PRKN: variants seen among roughly 807,000 people sequenced by gnomAD.
PRKN encodes the protein E3 ubiquitin-protein ligase parkin.
A neutral mutation model predicts 59.5 loss-of-function variants in PRKN; 56 were observed. That is an observed-to-expected ratio of 0.94 (90% CI 0.76 to 1.18). PRKN has a LOEUF of 1.18. Among genes scored for constraint, PRKN ranks in the 50% most tolerant of loss-of-function variants. PRKN has a pLI of 0.00. For missense variants in PRKN, 657 were observed against 596.4 expected, an observed-to-expected ratio of 1.10 and a Z score of -1.06; for synonymous variants, 250 against 222.1, an observed-to-expected ratio of 1.13 and a Z score of -1.12.
intron 1 of PRKN, among the ~76,000 whole-genome samples, chr6:162,713,646 C>T (rs1778622697): frequency 1.3e-5 from 2 of 152,002 alleles, no homozygotes; most frequent in African/African-American, 4.8e-5. Flanking sequence ...TCAAAATTCA[C>T]CTTCAGAAAT....
At chr6:162,337,751 T>C (rs568381732) in intron 2 of PRKN, among the ~76,000 whole-genome samples, 19 of 152,112 alleles carry the variant, frequency 1.2e-4, no homozygotes, top group Admixed American at 3.3e-4. Context: ...CAGTCATTTA[T>C]GAAAGAGACA....
chr6:162,504,805 T>C (rs1312070059), intron 1 of PRKN, among the ~76,000 whole-genome samples: 3 of 152,004 alleles, frequency 2.0e-5, no homozygotes, highest in African/African-American at 7.3e-5. Flanking sequence ...AAAAGATTAG[T>C]ATCCAAAATG....
chr6:162,134,560 A>AGG (rs1490108967), intron 4 of PRKN, among the ~76,000 whole-genome samples: 1 of 152,172 alleles, frequency 6.6e-6, no homozygotes, highest in Non-Finnish European at 1.5e-5. Context: ...GAATTTATTT[A>AGG]ACTAGAATGT....
intron 1 of PRKN, among the ~76,000 whole-genome samples, chr6:162,453,379 C>G (rs1790717247): frequency 6.6e-6 from 1 of 152,068 alleles, no homozygotes; most frequent in African/African-American, 2.4e-5. Flanking sequence ...ATTAATTCTT[C>G]CACTTTTAAA....
At chr6:162,341,003 T>G (rs1481241786) in intron 2 of PRKN, among the ~76,000 whole-genome samples, 1 of 152,016 alleles carries the variant, frequency 6.6e-6, no homozygotes, top group Non-Finnish European at 1.5e-5. Flanking sequence ...GGGAGAAAAT[T>G]TTTGCAATCT....
chr6:161,423,171 C>T lies in PRKN; in HGVS notation c.1084-36294G>A, dbSNP rs935855897. 6.6e-6 allele frequency among the ~76,000 whole-genome samples: 1 copy of T among 152,114 alleles called. No individual in the cohort carries two copies. The highest frequency in any genetic ancestry group is 1.5e-5 in the Non-Finnish European group (1 of 68,032). ...AGATATCAGCATCTTTAATGTATGC[C>T]AGCCTTGCATGGGTTTGGTTGGGAC... On this transcript the variant is annotated intron_variant, in intron 9 of 11. Transcript: ENST00000366898. The surrounding 1 kb of genome is among the most constrained non-coding windows in gnomAD (Gnocchi z 5.9).
chr6:162,709,517 C>T (rs968077556), intron 1 of PRKN, among the ~76,000 whole-genome samples: 6 of 152,116 alleles, frequency 3.9e-5, no homozygotes, highest in Non-Finnish European at 8.8e-5. Flanking sequence ...ACTCAGAGTT[C>T]CTTAGTTGCA....
At chr6:161,740,236 C>T (rs1296924201) in intron 7 of PRKN, among the ~76,000 whole-genome samples, 2 of 152,196 alleles carry the variant, frequency 1.3e-5, no homozygotes, top group Non-Finnish European at 2.9e-5. Context: ...CACCTGGATG[C>T]CCATGATTAA....
intron 1 of PRKN, among the ~76,000 whole-genome samples, chr6:162,501,471 C>T (rs62428849): frequency 1.2e-3 from 181 of 151,510 alleles, no homozygotes; most frequent in Non-Finnish European, 2.3e-3. Flanking sequence ...CCTCAGCCTC[C>T]CGAATATCTG....
chr6:162,651,688 A>C (rs1195763327), intron 1 of PRKN, among the ~76,000 whole-genome samples: 1 of 152,214 alleles, frequency 6.6e-6, no homozygotes. Context: ...GGAAGAAGGA[A>C]AAAAGCAGGC....
chr6:162,378,387 T>C (rs1018068775), intron 2 of PRKN, among the ~76,000 whole-genome samples: 9 of 152,240 alleles, frequency 5.9e-5, no homozygotes, highest in Non-Finnish European at 1.2e-4. Context: ...GGATTCCACT[T>C]AGCAGCGGCT....
intron 7 of PRKN, among the ~76,000 whole-genome samples, chr6:161,709,871 G>A (rs537718516): frequency 2.0e-4 from 30 of 152,068 alleles, no homozygotes; most frequent in Admixed American, 3.9e-4. Context: ...TACCTTAAAT[G>A]TCTTTGGAAT....
intron 4 of PRKN, among the ~76,000 whole-genome samples, chr6:162,165,185 GA>G (rs1473286365): frequency 6.7e-6 from 1 of 148,570 alleles, no homozygotes; most frequent in East Asian, 1.9e-4. Context: ...ACATATGTTG[GA>G]TCCTAAACCT....
At chr6:161,700,828 T>A (rs77487265) in intron 7 of PRKN, among the ~76,000 whole-genome samples, 1,823 of 152,318 alleles carry the variant, frequency 0.012, 41 homozygotes, top group African/African-American at 0.042. Flanking sequence ...TATTACACTC[T>A]AGCCAAAGAA....
At chr6:161,877,461 AT>A (rs35664661) in intron 6 of PRKN, among the ~76,000 whole-genome samples, 2,692 of 141,106 alleles carry the variant, frequency 0.019, 51 homozygotes, top group African/African-American at 0.058. Flanking sequence ...ACATATTTGC[AT>A]TTTTTTTTTT....
At chr6:162,183,304 C>A (rs1185324155) in intron 4 of PRKN, among the ~76,000 whole-genome samples, 1 of 152,146 alleles carries the variant, frequency 6.6e-6, no homozygotes, top group Non-Finnish European at 1.5e-5. Context: ...GCTGCAGAAC[C>A]CAGGCTGCAG....
intron 2 of PRKN, among the ~76,000 whole-genome samples, chr6:162,294,930 T>A (rs1302687872): frequency 6.6e-6 from 1 of 152,202 alleles, no homozygotes; most frequent in Non-Finnish European, 1.5e-5. Context: ...GAACGAGACC[T>A]GGATCTGGGT....
intron 4 of PRKN, among the ~76,000 whole-genome samples, chr6:162,166,370 G>A (rs1782990267): frequency 6.6e-6 from 1 of 152,124 alleles, no homozygotes. Context: ...AAGTGTTTCT[G>A]CCCCTGCTGG....
chr6:162,014,343 G>A (rs986335846), intron 5 of PRKN, among the ~76,000 whole-genome samples: 4 of 152,114 alleles, frequency 2.6e-5, no homozygotes, highest in East Asian at 1.9e-4. Flanking sequence ...GCTTTTTTAC[G>A]TACTCACACT....
Sources: gnomAD v4.1 joint callset for allele counts (sites outside exome capture counted in the v4.1 genomes callset) on GRCh38, gnomAD v4.1.1 for gene constraint, Gnocchi (gnomAD v3.1) non-coding constraint, MANE v1.5 for transcripts, NCBI Gene and HGNC (gene_info 2026-07-23, HGNC 2026-07-21) for gene names.